TDRD7: variants seen among roughly 807,000 people sequenced by gnomAD.
TDRD7 encodes the protein tudor domain containing 7, also known as tudor domain-containing protein 7.
A neutral mutation model predicts 109.8 loss-of-function variants in TDRD7; 47 were observed. The ratio of observed to expected loss-of-function variants is 0.43; its 90% CI spans 0.34 to 0.55. TDRD7 has a LOEUF of 0.55. Ranked by LOEUF, TDRD7 falls within the 20% of genes least tolerant of loss-of-function variation. The pLI is 0.03. For missense variants in TDRD7, 1,164 were observed against 1,319.2 expected, an observed-to-expected ratio of 0.88 and a Z score of 1.82; for synonymous variants, 424 against 457.3, an observed-to-expected ratio of 0.93 and a Z score of 0.93.
At position 97,435,997 on chromosome 9, in the gene TDRD7, C is replaced by T. The variant is rs77154267; in HGVS notation, c.564-3248C>T. On this transcript the variant is annotated intron_variant, in intron 4 of 16. Transcript: ENST00000355295. ...ACATTTACATATGCATACATAATCT[C>T]GTGCCAGTCAGTAGATTCATGAACC... Among the ~76,000 whole-genome samples, 947 of 152,184 alleles carry T rather than the reference C, an allele frequency of 6.2e-3. 14 individuals are homozygous for T. The highest frequency in any genetic ancestry group is 0.034 in the South Asian group (162 of 4,822).
intron 12 of TDRD7, 122 bp from the exon 13 acceptor site, chr9:97,478,317 T>G: frequency 9.9e-7 from 1 of 1,008,602 alleles, no homozygotes; most frequent in Non-Finnish European, 1.5e-6. Context: ...TAGGGGAAAA[T>G]TTTAACACTG....
Position 97,457,824 on chromosome 9 carries a change from T to C in TDRD7, c.856-2354T>C, listed in dbSNP as rs561403269. On this transcript the variant is annotated intron_variant, in intron 6 of 16. Transcript: ENST00000355295. ...AGCCATAGAAAGGAATGAGATTATC[T>C]CCTTGCGGGGACATGGATGAAACCG... Among the ~76,000 whole-genome samples, 15 of 152,258 alleles carry C rather than the reference T, an allele frequency of 9.9e-5. 1 individual carries two copies. Among genetic ancestry groups the C allele is most frequent in the African/African-American group, 3.6e-4 (15 of 41,534 alleles).
At position 97,495,405 on chromosome 9, in the gene TDRD7, CATTTTATAAT is replaced by C. The variant is rs1428727423; in HGVS notation, c.3077-256_3077-247del. 7.2e-5 allele frequency among the ~76,000 whole-genome samples: 11 copies of C among 152,252 alleles called. No individual in the cohort carries two copies. In the South Asian group the frequency reaches 1.9e-3, roughly 26 times the overall value. ...GGTTGTACAGTAGTCATTATTACCTCATTTTATAATACAATGTTAAGTCTCAAATGAAACT... is the reference window on the plus strand; with the variant it reads ...GGTTGTACAGTAGTCATTATTACCTCACAATGTTAAGTCTCAAATGAAACT... On this transcript the variant is annotated intron_variant, in intron 16 of 16. Coordinates refer to ENST00000355295, the MANE Select transcript of TDRD7 (RefSeq NM_014290.3).
intron 11 of TDRD7, among the ~76,000 whole-genome samples, chr9:97,474,776 A>C (rs1828985717): frequency 6.6e-6 from 1 of 152,190 alleles, no homozygotes; most frequent in Non-Finnish European, 1.5e-5. Flanking sequence ...TAAGTGAGAC[A>C]TTGCCTTTGG....
intron 8 of TDRD7, among the ~76,000 whole-genome samples, chr9:97,467,228 A>G (rs1228515216): frequency 6.6e-6 from 1 of 152,226 alleles, no homozygotes; most frequent in Non-Finnish European, 1.5e-5. Context: ...TTATGAAGAG[A>G]AGAATCATAC....
Position 97,478,523 on chromosome 9 carries a change from A to G in TDRD7, c.2251A>G (p.Arg751Gly). 6 of 1,614,086 alleles carry G rather than the reference A, an allele frequency of 3.7e-6. No individual in the cohort carries two copies. The highest frequency in any genetic ancestry group is 4.2e-6 in the Non-Finnish European group (5 of 1,179,976). The change falls in exon 13 of 17, where the codon AGG becomes GGG. Residue 751 changes from arginine to glycine, a missense_variant. Physicochemically the swap from Arg to Gly is moderately radical, Grantham distance 125. Around this residue, in one of 5 missense-constraint regions of TDRD7, gnomAD observed 233 missense variants for 218.0 expected, o/e 1.07. Transcript: ENST00000355295. Reference protein sequence around the residue: ...TVTSVKVSELREIPPRFLQEM... With the variant: ...TVTSVKVSELGEIPPRFLQEM... ...GACATCTGTAAAAGTGTCAGAGCTC[A>G]GGGAAATTCCACCTCGGTTTCTACA...
intron 16 of TDRD7, among the ~76,000 whole-genome samples, chr9:97,488,780 A>G (rs1829255394): frequency 6.6e-6 from 1 of 152,122 alleles, no homozygotes; most frequent in Non-Finnish European, 1.5e-5. Context: ...TTCCTGTTTA[A>G]TATATGCATT....
chr9:97,416,660 A>G (rs1337759968), intron 1 of TDRD7, among the ~76,000 whole-genome samples: 2 of 152,206 alleles, frequency 1.3e-5, no homozygotes, highest in African/African-American at 4.8e-5. Context: ...TGGCTGTCTC[A>G]TTCAGTTTAT....
chr9:97,463,895 CT>C (rs1333347596), intron 7 of TDRD7, among the ~76,000 whole-genome samples: 1 of 152,194 alleles, frequency 6.6e-6, no homozygotes, highest in African/African-American at 2.4e-5. Context: ...TATGGTACCT[CT>C]TTTAAGGGTA....
chr9:97,481,684 C>T (rs1829119249), intron 14 of TDRD7, among the ~76,000 whole-genome samples: 3 of 152,122 alleles, frequency 2.0e-5, no homozygotes, highest in African/African-American at 7.2e-5. Flanking sequence ...TATACTATTC[C>T]ATATTCTTCA....
At chr9:97,490,122 A>T (rs1038333013) in intron 16 of TDRD7, among the ~76,000 whole-genome samples, 1 of 152,206 alleles carries the variant, frequency 6.6e-6, no homozygotes, top group South Asian at 2.1e-4. Flanking sequence ...AAGAAAAAGA[A>T]ATATAAAAGT....
At chr9:97,430,585 G>T (rs1287191782) in intron 2 of TDRD7, among the ~76,000 whole-genome samples, 1 of 152,126 alleles carries the variant, frequency 6.6e-6, no homozygotes, top group Non-Finnish European at 1.5e-5. Flanking sequence ...AAGTGTGAAT[G>T]AAATGTACCT....
At chr9:97,473,934 A>T (rs937763348) in intron 11 of TDRD7, among the ~76,000 whole-genome samples, 5 of 152,230 alleles carry the variant, frequency 3.3e-5, no homozygotes, top group Admixed American at 3.3e-4. Flanking sequence ...TATAACATGC[A>T]GTTGATGATG....
intron 12 of TDRD7, 52 bp from the exon 13 acceptor site, chr9:97,478,386 AT>A: frequency 6.2e-7 from 1 of 1,609,728 alleles, no homozygotes; most frequent in Non-Finnish European, 8.5e-7. Context: ...GCACAGAAGC[AT>A]TTTGGTCTTT....
intron 16 of TDRD7, among the ~76,000 whole-genome samples, chr9:97,489,170 G>C (rs1313030323): frequency 1.3e-5 from 2 of 152,152 alleles, no homozygotes; most frequent in Non-Finnish European, 2.9e-5. Flanking sequence ...GACTTATGAT[G>C]CTGTTGAGTT....
intron 10 of TDRD7, among the ~76,000 whole-genome samples, chr9:97,472,909 T>C (rs1213414794): frequency 6.6e-6 from 1 of 152,156 alleles, no homozygotes; most frequent in African/African-American, 2.4e-5. Flanking sequence ...TAGGATGAGA[T>C]GTTAAAAATG....
chr9:97,460,997 A>C (rs187559851), intron 7 of TDRD7, among the ~76,000 whole-genome samples: 1 of 151,872 alleles, frequency 6.6e-6, no homozygotes, highest in Non-Finnish European at 1.5e-5. Context: ...AAAAATTAGC[A>C]GGGCGTGGTG....
At chr9:97,473,736 G>A (rs1828962500) in intron 11 of TDRD7, 110 bp downstream of exon 11, 2 of 1,428,806 alleles carry the variant, frequency 1.4e-6, no homozygotes, top group African/African-American at 1.4e-5. Flanking sequence ...CGATTTTTTA[G>A]TAGTCTGAAA....
chr9:97,442,022 A>G (rs575895785), intron 6 of TDRD7, 147 bp downstream of exon 6: 5 of 722,582 alleles, frequency 6.9e-6, no homozygotes, highest in South Asian at 4.8e-5. Context: ...TAAGATTAAC[A>G]TATGTCAGTT....
Sources: allele counts gnomAD v4.1 joint callset (sites outside exome capture counted in the v4.1 genomes callset), GRCh38; gene constraint gnomAD v4.1.1; regional missense constraint gnomAD v4.1.1; transcripts MANE v1.5; gene names NCBI Gene and HGNC (gene_info 2026-07-23, HGNC 2026-07-21).